Variants in IFT43 observed in about 807,000 individuals in gnomAD.
The protein encoded by IFT43 is intraflagellar transport 43, also known as intraflagellar transport protein 43 homolog.
IFT43 carries 33 observed loss-of-function variants against 32.3 expected under a neutral mutation model. That is an observed-to-expected ratio of 1.02 (90% confidence interval 0.77 to 1.37). IFT43 has a LOEUF of 1.37. Ranked by LOEUF, IFT43 falls within the 40% of genes most tolerant of loss-of-function variation. The pLI, the probability that IFT43 is intolerant of heterozygous loss-of-function variation, is 0.00. For synonymous variants in IFT43, 93 were observed against 98.2 expected (o/e 0.95, Z 0.31); for missense variants, 274 against 265.9 (o/e 1.03, Z -0.21).
rs556838534 is a variant in IFT43, at chr14:76,045,889, T to C, written c.216-12753T>C. 2.6e-5 allele frequency among the ~76,000 whole-genome samples: 4 copies of C among 152,342 alleles called. No individual in the cohort carries two copies. In the South Asian group the frequency reaches 8.3e-4, roughly 32 times the overall value. On this transcript the variant is annotated intron_variant, in intron 3 of 8. Transcript: ENST00000314067. ...TCATTGTCACCCCAAACAAAACTGG[T>C]ATTTGAATCAAGATGGGAGAGACGA...
chr14:76,030,566 C>G (rs1470349468), intron 3 of IFT43, among the ~76,000 whole-genome samples: 2 of 152,152 alleles, frequency 1.3e-5, no homozygotes, highest in African/African-American at 2.4e-5. Context: ...AAAATACGCT[C>G]TATCCTGTAA....
At chr14:76,024,276 C>T (rs528321154) in intron 3 of IFT43, among the ~76,000 whole-genome samples, 27 of 152,284 alleles carry the variant, frequency 1.8e-4, no homozygotes, top group South Asian at 1.7e-3. Context: ...AGAAAGTATT[C>T]CTCAGACTTC....
At chr14:76,067,103 A>G (rs950384834) in intron 5 of IFT43, among the ~76,000 whole-genome samples, 1 of 152,054 alleles carries the variant, frequency 6.6e-6, no homozygotes, top group African/African-American at 2.4e-5. Flanking sequence ...GTCTCTCTCT[A>G]TGTGTATTGC....
At chr14:76,084,002 A>T (rs2037563959), downstream of IFT43, 2 of 457,512 alleles carry the variant, frequency 4.4e-6, no homozygotes, top group African/African-American at 2.0e-5. Flanking sequence ...GACCTTAGTG[A>T]CGCAGCACTG....
At chr14:76,073,475 GA>G (rs1409858176) in intron 5 of IFT43, among the ~76,000 whole-genome samples, 1 of 152,180 alleles carries the variant, frequency 6.6e-6, no homozygotes, top group Non-Finnish European at 1.5e-5. Context: ...AGGTAATAGG[GA>G]ATCCTCTGAC....
chr14:76,078,133 A>G (rs1275223095), intron 5 of IFT43, among the ~76,000 whole-genome samples: 1 of 152,210 alleles, frequency 6.6e-6, no homozygotes, highest in Non-Finnish European at 1.5e-5. Context: ...GAGCATTTTT[A>G]AAAGGACATA....
At chr14:76,027,012 A>G (rs1438053940) in intron 3 of IFT43, among the ~76,000 whole-genome samples, 4 of 152,214 alleles carry the variant, frequency 2.6e-5, no homozygotes, top group Admixed American at 6.5e-5. Flanking sequence ...GTTCTCACTT[A>G]TAAGTGGAAG....
At chr14:76,031,423 T>C (rs981924941) in intron 3 of IFT43, among the ~76,000 whole-genome samples, 2 of 152,218 alleles carry the variant, frequency 1.3e-5, no homozygotes, top group African/African-American at 4.8e-5. Context: ...GGTGTCTCTA[T>C]TCCTAGGCTA....
Position 76,083,472 on chromosome 14 carries a change from G to C in IFT43, c.522G>C (p.Trp174Cys). 6.2e-7 allele frequency: 1 copy of C among 1,614,140 alleles called. No homozygotes were observed. Reference protein sequence around the residue: ...EHEVREDDVGWDWDHLFTEVS... With the variant: ...EHEVREDDVGCDWDHLFTEVS... Reference sequence around the variant, plus strand: ...CTTCTTGGCAGGATGATGTCGGCTGGGACTGGGACCATCTGTTCACTGAGG... The same window carrying C: ...CTTCTTGGCAGGATGATGTCGGCTGCGACTGGGACCATCTGTTCACTGAGG... Residue 174 changes from tryptophan to cysteine, a missense_variant, in exon 9 of 9, where the codon TGG (tryptophan) becomes TGC (cysteine). By Grantham distance (215) the Trp-to-Cys change is radical. Transcript: ENST00000314067.
intron 5 of IFT43, among the ~76,000 whole-genome samples, chr14:76,071,714 T>G (rs2037323745): frequency 6.6e-6 from 1 of 152,236 alleles, no homozygotes; most frequent in Admixed American, 6.5e-5. Flanking sequence ...TTTGAGTATT[T>G]ATTACCTTTC....
At chr14:76,047,254 T>C (rs897462624) in intron 3 of IFT43, among the ~76,000 whole-genome samples, 3 of 152,198 alleles carry the variant, frequency 2.0e-5, no homozygotes, top group African/African-American at 7.2e-5. Flanking sequence ...AATTGGGGCC[T>C]GAGATTAGAG....
At chr14:76,055,371 A>C (rs1302252630) in intron 3 of IFT43, among the ~76,000 whole-genome samples, 3 of 152,002 alleles carry the variant, frequency 2.0e-5, no homozygotes, top group Non-Finnish European at 4.4e-5. Context: ...TAAATTAATA[A>C]AAAATAAAAA....
At position 76,022,400 on chromosome 14, in the gene IFT43, T is replaced by C; in HGVS notation, c.215+6T>C. On this transcript the variant is annotated splice_donor_region_variant and intron_variant, in intron 3 of 8. Transcript: ENST00000314067. ...GATTCCGTGAAGGCTTCGAAGTGAG[T>C]ACCAGCAGCTCATAAGAGTATGGGT... 6.4e-7 allele frequency: 1 copy of C among 1,561,020 alleles called. No individual in the cohort carries two copies. Among genetic ancestry groups the C allele is most frequent in the Non-Finnish European group, 8.8e-7 (1 of 1,131,962 alleles).
chr14:76,061,761 G>T (rs1353140650), intron 5 of IFT43, among the ~76,000 whole-genome samples: 2 of 151,958 alleles, frequency 1.3e-5, no homozygotes. Flanking sequence ...TATCCAAAAT[G>T]CTTAGGACCA....
rs145271313 is a variant in IFT43, at chr14:76,033,117, G to A, written c.215+10723G>A. On this transcript the variant is annotated intron_variant, in intron 3 of 8. Transcript: ENST00000314067. ...GATTTGGCTATTTGGAGGTTACAAG[G>A]GGCCTTTGAGAAAGTGGTTACAGTC... Among the ~76,000 whole-genome samples, 743 of 152,296 alleles carry A rather than the reference G, an allele frequency of 4.9e-3. 8 individuals are homozygous for A. Among genetic ancestry groups the A allele is most frequent in the Non-Finnish European group, 6.7e-3 (459 of 68,032 alleles).
chr14:76,002,870 G>T (rs1453128210), intron 2 of IFT43, among the ~76,000 whole-genome samples: 2 of 152,228 alleles, frequency 1.3e-5, no homozygotes, highest in Non-Finnish European at 2.9e-5. Context: ...AGCTGCGAGA[G>T]CAACGAAGTC....
chr14:76,039,744 G>C (rs2036670902), intron 3 of IFT43, among the ~76,000 whole-genome samples: 1 of 152,044 alleles, frequency 6.6e-6, no homozygotes, highest in South Asian at 2.1e-4. Flanking sequence ...CTCCCTTCCT[G>C]ACTTTCTCAG....
chr14:76,003,921 C>T (rs369497931), intron 2 of IFT43, among the ~76,000 whole-genome samples: 57 of 151,860 alleles, frequency 3.8e-4, no homozygotes, highest in African/African-American at 1.0e-3. Flanking sequence ...GGATTAGAGG[C>T]GCCCACCACC....
intron 2 of IFT43, among the ~76,000 whole-genome samples, chr14:75,997,777 A>G (rs1457904326): frequency 1.3e-5 from 2 of 152,194 alleles, no homozygotes; most frequent in Non-Finnish European, 2.9e-5. Flanking sequence ...GGGGGAAATT[A>G]GAGAAATGAT....
Sources: allele counts gnomAD v4.1 joint callset (sites outside exome capture counted in the v4.1 genomes callset), GRCh38; gene constraint gnomAD v4.1.1; transcripts MANE v1.5; gene names NCBI Gene and HGNC (gene_info 2026-07-23, HGNC 2026-07-21).